Variants in PM20D2 observed in about 807,000 individuals in gnomAD.
PM20D2 encodes the protein peptidase M20 domain containing 2.
A neutral mutation model predicts 42.9 loss-of-function variants in PM20D2; 33 were observed. That is an observed-to-expected ratio of 0.77 (90% CI 0.58 to 1.03). The LOEUF is 1.03. Ranked by LOEUF, PM20D2 falls within the 50% of genes least tolerant of loss-of-function variation. The probability of loss-of-function intolerance (pLI) is 0.00; values close to 1 mark genes in which losing one functional copy is unlikely to be tolerated. For synonymous variants in PM20D2, 250 were observed against 228.2 expected, an observed-to-expected ratio of 1.10 and a Z score of -0.86; for missense variants, 548 against 557.0, an observed-to-expected ratio of 0.98 and a Z score of 0.16.
upstream of PM20D2, among the ~76,000 whole-genome samples, chr6:89,142,683 A>C (rs1770368648): frequency 6.6e-6 from 1 of 152,066 alleles, no homozygotes; most frequent in East Asian, 1.9e-4. Context: ...TTTGAGACGG[A>C]GTCTCGCTCT....
the PM20D2 span, among the ~76,000 whole-genome samples, chr6:89,140,108 TTTG>T: frequency 6.6e-6 from 1 of 151,038 alleles, no homozygotes; most frequent in East Asian, 1.9e-4. Flanking sequence ...GCTGATTTTT[TTTG>T]TTAACTTTTT....
the PM20D2 span, among the ~76,000 whole-genome samples, chr6:89,138,924 A>G: frequency 1.3e-5 from 2 of 152,224 alleles, no homozygotes; most frequent in Non-Finnish European, 2.9e-5. Context: ...TTCATCTTGA[A>G]CAAACTTTTC....
At chr6:89,102,710 A>C in the PM20D2 span, among the ~76,000 whole-genome samples, 1 of 152,302 alleles carries the variant, frequency 6.6e-6, no homozygotes, top group South Asian at 2.1e-4. Context: ...ATATAAAGTT[A>C]ACAAAGATTT....
chr6:89,157,999 T>TC (rs1771108302), intron 4 of PM20D2, among the ~76,000 whole-genome samples: 1 of 152,120 alleles, frequency 6.6e-6, no homozygotes, highest in Non-Finnish European at 1.5e-5. Flanking sequence ...AGAGTGAGAC[T>TC]CCATCTCAAA....
chr6:89,126,577 G>A, the PM20D2 span, among the ~76,000 whole-genome samples: 1 of 151,294 alleles, frequency 6.6e-6, no homozygotes, highest in East Asian at 1.9e-4. Context: ...CCAGCTACTC[G>A]GGTGGCAGAG....
chr6:89,103,431 C>G, the PM20D2 span, among the ~76,000 whole-genome samples: 1 of 151,750 alleles, frequency 6.6e-6, no homozygotes, highest in African/African-American at 2.4e-5. Context: ...CAGGTTCAAG[C>G]GATTCTCCTG....
At chr6:89,153,761 C>G (rs971781460) in intron 3 of PM20D2, among the ~76,000 whole-genome samples, 1 of 151,960 alleles carries the variant, frequency 6.6e-6, no homozygotes, top group African/African-American at 2.4e-5. Context: ...ACCACCAAAC[C>G]CAGCTAATAT....
the PM20D2 span, among the ~76,000 whole-genome samples, chr6:89,118,682 T>C: frequency 6.6e-6 from 1 of 152,302 alleles, no homozygotes; most frequent in African/African-American, 2.4e-5. Context: ...CACTCAGCTG[T>C]GAGTACATTC....
intron 1 of PM20D2, among the ~76,000 whole-genome samples, 196 bp downstream of exon 1, chr6:89,146,805 G>T (rs140979599): frequency 6.6e-6 from 1 of 152,238 alleles, no homozygotes; most frequent in Non-Finnish European, 1.5e-5. Flanking sequence ...GTCAGTTCGC[G>T]TTGCCGACCT....
At chr6:89,154,631 T>A in intron 3 of PM20D2, 117 bp from the exon 4 acceptor site, 1 of 668,696 alleles carries the variant, frequency 1.5e-6, no homozygotes, top group Non-Finnish European at 2.4e-6. Flanking sequence ...TTGGTGGAGC[T>A]AGTGAGTTTA....
the PM20D2 span, among the ~76,000 whole-genome samples, chr6:89,126,393 TAA>T: frequency 6.7e-6 from 1 of 150,264 alleles, no homozygotes. Flanking sequence ...AGACCTGTCT[TAA>T]AAAAAAAAGG....
At chr6:89,155,068 A>G (rs532626571) in intron 4 of PM20D2, among the ~76,000 whole-genome samples, 166 bp downstream of exon 4, 20 of 152,244 alleles carry the variant, frequency 1.3e-4, no homozygotes, top group Admixed American at 1.1e-3. Context: ...TACACGTTTC[A>G]TTCCTCAGTG....
At chr6:89,135,139 TG>T in the PM20D2 span, among the ~76,000 whole-genome samples, 1 of 151,162 alleles carries the variant, frequency 6.6e-6, no homozygotes, top group East Asian at 1.9e-4. Context: ...GAAGAGAAAA[TG>T]GTCATTTAAA....
chr6:89,156,288 C>T (rs1052678608), intron 4 of PM20D2, among the ~76,000 whole-genome samples: 4 of 152,106 alleles, frequency 2.6e-5, no homozygotes, highest in Non-Finnish European at 5.9e-5. Flanking sequence ...CTAGAGGGAG[C>T]CTGTAGTCTA....
chr6:89,128,297 A>T, the PM20D2 span, among the ~76,000 whole-genome samples: 1 of 152,112 alleles, frequency 6.6e-6, no homozygotes, highest in Non-Finnish European at 1.5e-5. Context: ...TCTCTGTCTT[A>T]TGCAGTTGAG....
At chr6:89,095,327 G>T in the PM20D2 span, among the ~76,000 whole-genome samples, 64 of 152,238 alleles carry the variant, frequency 4.2e-4, 1 homozygote, top group African/African-American at 1.5e-3. Context: ...CCAGGTTCAA[G>T]AGATTCTCGC....
At chr6:89,105,571 G>A in the PM20D2 span, 2 of 1,378,712 alleles carry the variant, frequency 1.5e-6, no homozygotes, top group Non-Finnish European at 2.0e-6. Context: ...GAGATATCAA[G>A]TAAACATATT....
chr6:89,124,736 G>GTTGTTTT, the PM20D2 span, among the ~76,000 whole-genome samples: 503 of 108,444 alleles, frequency 4.6e-3, 8 homozygotes, highest in African/African-American at 0.016. Context: ...TGCTGTTGTT[G>GTTGTTTT]TTTTTTTTTT....
At position 89,158,379 on chromosome 6, in the gene PM20D2, C is replaced by G. The variant is rs764983437; in HGVS notation, c.967C>G (p.Leu323Val). 2 of 1,611,482 alleles carry G rather than the reference C, an allele frequency of 1.2e-6. No individual in the cohort carries two copies. The highest frequency in any genetic ancestry group is 1.7e-6 in the Non-Finnish European group (2 of 1,178,914). The change falls in exon 5 of 7, where the codon CTA becomes GTA. Residue 323 changes from leucine (L) to valine (V), a missense_variant. Around this residue, in one of 3 missense-constraint regions of PM20D2, gnomAD observed 470 missense variants for 464.4 expected, o/e 1.01. Coordinates refer to ENST00000275072, the MANE Select transcript of PM20D2 (RefSeq NM_001010853.3). Reference sequence around the variant, plus strand: ...TTACAATGTTCTTCCCAATAAGAGCCTATGGAAAGCCTATATGGAAAATGG... The same window carrying G: ...TTACAATGTTCTTCCCAATAAGAGCGTATGGAAAGCCTATATGGAAAATGG... ...DYYNVLPNKS[L>V]WKAYMENGRK...
Sources: gnomAD v4.1 joint callset for allele counts (sites outside exome capture counted in the v4.1 genomes callset) on GRCh38, gnomAD v4.1.1 for gene constraint, gnomAD v4.1.1 regional missense constraint, MANE v1.5 for transcripts, NCBI Gene and HGNC (gene_info 2026-07-23, HGNC 2026-07-21) for gene names.